Variants in LRRK1 observed in about 807,000 individuals in gnomAD.
The protein encoded by LRRK1 is leucine-rich repeat serine/threonine-protein kinase 1.
In LRRK1, 113 loss-of-function variants were observed where a neutral mutation model predicts 209.1. The ratio of observed to expected loss-of-function variants is 0.54; its 90% confidence interval spans 0.46 to 0.63. The LOEUF is 0.63. LRRK1 is among the 30% of genes least tolerant of loss of function. The pLI is 0.00. For synonymous variants in LRRK1, 1,144 were observed against 1,099.7 expected (o/e 1.04, Z -0.80); for missense variants, 2,284 against 2,632.2 (o/e 0.87, Z 2.89).
chr15:101,023,003 C>A (rs1267748971), intron 15 of LRRK1, among the ~76,000 whole-genome samples: 1 of 151,962 alleles, frequency 6.6e-6, no homozygotes, highest in Non-Finnish European at 1.5e-5. Flanking sequence ...GATAGCAATT[C>A]CCAGGCCTCA....
At chr15:100,984,299 A>G (rs1424455064) in intron 4 of LRRK1, among the ~76,000 whole-genome samples, 1 of 152,222 alleles carries the variant, frequency 6.6e-6, no homozygotes, top group Non-Finnish European at 1.5e-5. Flanking sequence ...ACAACTGATC[A>G]ACTAATATTG....
At chr15:101,033,861 G>T (rs746791694) in intron 20 of LRRK1, among the ~76,000 whole-genome samples, 12 of 152,174 alleles carry the variant, frequency 7.9e-5, no homozygotes, top group Admixed American at 2.6e-4. Context: ...CACAGAGGCT[G>T]TACTAATTTA....
At chr15:100,950,149 T>C (rs1013141974) in intron 2 of LRRK1, among the ~76,000 whole-genome samples, 1 of 152,248 alleles carries the variant, frequency 6.6e-6, no homozygotes, top group African/African-American at 2.4e-5. Flanking sequence ...TTCAGCAAAT[T>C]TGCAGGATGC....
At chr15:100,969,535 G>A (rs2030720991) in intron 2 of LRRK1, among the ~76,000 whole-genome samples, 1 of 151,776 alleles carries the variant, frequency 6.6e-6, no homozygotes, top group Admixed American at 6.6e-5. Context: ...AGCAGGATGT[G>A]CTTGTTTGTT....
intron 4 of LRRK1, among the ~76,000 whole-genome samples, chr15:100,985,769 G>T (rs2031832698): frequency 6.6e-6 from 1 of 152,254 alleles, no homozygotes; most frequent in South Asian, 2.1e-4. Context: ...AAGGATTTCA[G>T]ACCATTGTGG....
intron 16 of LRRK1, 37 bp from the exon 17 acceptor site, chr15:101,025,928 C>T (rs1355012851): frequency 6.2e-7 from 1 of 1,609,982 alleles, no homozygotes; most frequent in Admixed American, 1.7e-5. Context: ...GTTCCATGAA[C>T]AGAGACAGTA....
intron 2 of LRRK1, among the ~76,000 whole-genome samples, chr15:100,939,109 G>A (rs1370654584): frequency 6.6e-6 from 1 of 152,024 alleles, no homozygotes; most frequent in African/African-American, 2.4e-5. Context: ...AAATAAAAAA[G>A]TCAAAATATC....
chr15:100,992,111 G>A (rs1490587329), intron 6 of LRRK1, among the ~76,000 whole-genome samples: 1 of 152,040 alleles, frequency 6.6e-6, no homozygotes, highest in Non-Finnish European at 1.5e-5. Flanking sequence ...GTGTTTATAG[G>A]TGAATTGATC....
intron 2 of LRRK1, among the ~76,000 whole-genome samples, chr15:100,939,668 T>TAA (rs1415537148): frequency 2.0e-5 from 3 of 152,366 alleles, no homozygotes; most frequent in African/African-American, 7.2e-5. Flanking sequence ...AAAGTGGTGT[T>TAA]ATTTTAAGTC....
chr15:100,963,115 G>A (rs766015533), intron 2 of LRRK1, among the ~76,000 whole-genome samples: 12 of 151,524 alleles, frequency 7.9e-5, no homozygotes, highest in Non-Finnish European at 1.0e-4. Flanking sequence ...GAGCCACCAC[G>A]CCCAGCCCAT....
chr15:101,054,726 T>G (rs1415718616), intron 26 of LRRK1, among the ~76,000 whole-genome samples: 1 of 152,096 alleles, frequency 6.6e-6, no homozygotes, highest in Non-Finnish European at 1.5e-5. Context: ...GCAGGAGAAC[T>G]GCTTGAACCC....
chr15:101,006,833 A>T (rs1425501100), intron 6 of LRRK1, among the ~76,000 whole-genome samples: 1 of 152,270 alleles, frequency 6.6e-6, no homozygotes, highest in African/African-American at 2.4e-5. Context: ...ACTGTGTCCT[A>T]GTGCAACTTT....
At chr15:100,920,803 T>C (rs1417163412) in intron 1 of LRRK1, among the ~76,000 whole-genome samples, 2 of 152,102 alleles carry the variant, frequency 1.3e-5, no homozygotes, top group African/African-American at 4.8e-5. Context: ...GTCCTCTTTA[T>C]GGAGTCCTTC....
intron 2 of LRRK1, among the ~76,000 whole-genome samples, chr15:100,927,284 AG>A (rs1223515546): frequency 6.6e-6 from 1 of 152,204 alleles, no homozygotes; most frequent in East Asian, 1.9e-4. Context: ...ACAGATAACC[AG>A]AAAATGTTAA....
At chr15:101,063,680 A>G (rs1030554088) in intron 31 of LRRK1, among the ~76,000 whole-genome samples, 2 of 152,208 alleles carry the variant, frequency 1.3e-5, no homozygotes, top group African/African-American at 4.8e-5. Context: ...CAAAACAGGT[A>G]TAAGAAGAGA....
Position 101,014,509 on chromosome 15 carries a change from T to C in LRRK1, c.1532+81T>C, listed in dbSNP as rs370126705. ...CGAGCAGGTCCTCTGAATGGTGGCA[T>C]GTGAGTCTGCGAGGGCTGCTGAGCC... On this transcript the variant is annotated intron_variant, in intron 11 of 33. Transcript: ENST00000388948. 2.3e-4 allele frequency: 221 copies of C among 949,642 alleles called. No individual in the cohort carries two copies. In the African/African-American group the frequency reaches 3.1e-3, roughly 13 times the overall value. The allele number at this position is 949,642 out of a possible 1,614,324, so 58.8% of individuals were successfully genotyped here.
rs1478398117 is a variant in LRRK1, at chr15:101,055,139, A to C, written c.4248A>C (p.Ser1416=). 6.2e-7 allele frequency: 1 copy of C among 1,613,692 alleles called. No homozygotes were observed. Residue 1416 remains serine, a synonymous_variant, in exon 27 of 34, where the codon TCA becomes TCC. Coordinates refer to ENST00000388948, the MANE Select transcript of LRRK1 (RefSeq NM_024652.6). ...CTGACTACGGGATTTCGAGGCAGTC[A>C]TTCCATGAGGGCGCCCTAGGCGTGG... The part of the protein sequence containing the change: ...KLSDYGISRQ[S]FHEGALGVEG...
intron 28 of LRRK1, 65 bp downstream of exon 28, chr15:101,057,115 A>G: frequency 1.4e-6 from 2 of 1,436,046 alleles, no homozygotes; most frequent in Non-Finnish European, 1.9e-6. Context: ...GTGGGTCCCC[A>G]GGGGGTGTGT....
intron 2 of LRRK1, among the ~76,000 whole-genome samples, chr15:100,930,972 G>A (rs2042201968): frequency 6.6e-6 from 1 of 152,242 alleles, no homozygotes; most frequent in Non-Finnish European, 1.5e-5. Context: ...TTCTTTGGAA[G>A]TCCCAATTCT....
Sources: gnomAD v4.1 joint callset for allele counts (sites outside exome capture counted in the v4.1 genomes callset) on GRCh38, gnomAD v4.1.1 for gene constraint, MANE v1.5 for transcripts, NCBI Gene and HGNC (gene_info 2026-07-23, HGNC 2026-07-21) for gene names.